Variants in KIF1B observed in about 807,000 individuals in gnomAD.
KIF1B encodes kinesin family member 1B, also known as kinesin-like protein KIF1B.
In KIF1B, 76 loss-of-function variants were observed where a neutral mutation model predicts 241.9. The ratio of observed to expected loss-of-function variants is 0.31; its 90% CI spans 0.26 to 0.38. The LOEUF (loss-of-function observed/expected upper bound fraction) is 0.38. Ranked by LOEUF, KIF1B falls within the 10% of genes least tolerant of loss-of-function variation. The pLI is 1.00. For missense variants in KIF1B, 1,622 were observed against 2,271.4 expected (o/e 0.71, Z 5.81); for synonymous variants, 750 against 796.7 (o/e 0.94, Z 0.99).
intron 2 of KIF1B, among the ~76,000 whole-genome samples, chr1:10,244,897 C>T (rs1186860041): frequency 1.3e-5 from 2 of 152,198 alleles, no homozygotes; most frequent in Non-Finnish European, 2.9e-5. Context: ...CAGGCATGAG[C>T]CACCGCGCCC....
At chr1:10,265,203 T>C (rs1264293146) in intron 5 of KIF1B, among the ~76,000 whole-genome samples, 1 of 30,376 alleles carries the variant, frequency 3.3e-5, no homozygotes, top group African/African-American at 1.6e-4. Context: ...AAATGGATTT[T>C]ATTTATTTAT....
chr1:10,277,333 T>C (rs537624986), intron 12 of KIF1B, among the ~76,000 whole-genome samples: 1 of 152,108 alleles, frequency 6.6e-6, no homozygotes, highest in East Asian at 1.9e-4. Flanking sequence ...ATAAAAAGTT[T>C]TTTTTGTTTG....
At chr1:10,259,539 G>C (rs889461015) in intron 4 of KIF1B, among the ~76,000 whole-genome samples, 2 of 145,260 alleles carry the variant, frequency 1.4e-5, no homozygotes, top group East Asian at 2.0e-4. Flanking sequence ...GTCTCTCTCT[G>C]TTGCCCAGGC....
chr1:10,229,142 C>T (rs1196041471), intron 1 of KIF1B, among the ~76,000 whole-genome samples: 3 of 152,028 alleles, frequency 2.0e-5, no homozygotes, highest in Admixed American at 2.0e-4. Flanking sequence ...AGTCATGCTC[C>T]ATTGATTGGG....
chr1:10,258,433 A>G (rs1647924456), intron 3 of KIF1B, 60 bp from the exon 4 acceptor site: 1 of 1,537,234 alleles, frequency 6.5e-7, no homozygotes, highest in South Asian at 1.1e-5. Context: ...GAAGCAATCA[A>G]GTAAGTATAG....
chr1:10,216,448 T>C (rs1646767934), intron 1 of KIF1B, among the ~76,000 whole-genome samples: 4 of 152,182 alleles, frequency 2.6e-5, no homozygotes, highest in Admixed American at 2.6e-4. Flanking sequence ...CTGGGTTGCA[T>C]TGCTTGCAGT....
intron 1 of KIF1B, among the ~76,000 whole-genome samples, chr1:10,216,032 G>A (rs1646763318): frequency 1.3e-5 from 2 of 152,090 alleles, no homozygotes; most frequent in Admixed American, 1.3e-4. Context: ...AGCACTTTAC[G>A]TTTATTAACT....
chr1:10,310,536 A>G (rs1383731931), intron 22 of KIF1B, among the ~76,000 whole-genome samples: 1 of 151,736 alleles, frequency 6.6e-6, no homozygotes, highest in Non-Finnish European at 1.5e-5. Flanking sequence ...GTTCCAGTCA[A>G]ACTGTGTTTA....
chr1:10,274,024 C>A (rs930364456), intron 10 of KIF1B, among the ~76,000 whole-genome samples: 2 of 150,486 alleles, frequency 1.3e-5, no homozygotes, highest in African/African-American at 4.9e-5. Context: ...GCAACCTCCA[C>A]CTTCTGGGTT....
intron 22 of KIF1B, among the ~76,000 whole-genome samples, chr1:10,299,471 A>G (rs1650433927): frequency 6.6e-6 from 1 of 152,254 alleles, no homozygotes; most frequent in African/African-American, 2.4e-5. Context: ...TACCAGTAGT[A>G]ATACTGAATG....
At chr1:10,336,847 C>T in intron 29 of KIF1B, 105 bp downstream of exon 29, 1 of 1,178,498 alleles carries the variant, frequency 8.5e-7, no homozygotes, top group Non-Finnish European at 1.3e-6. Flanking sequence ...GTGCTGGTTG[C>T]CACAGAGTAG....
At chr1:10,228,043 G>C (rs1396111499) in intron 1 of KIF1B, among the ~76,000 whole-genome samples, 1 of 151,510 alleles carries the variant, frequency 6.6e-6, no homozygotes, top group Non-Finnish European at 1.5e-5. Context: ...AAATTACCCG[G>C]GCGTGCTGGT....
chr1:10,350,389 C>T (rs895730515), intron 37 of KIF1B, among the ~76,000 whole-genome samples: 1 of 151,638 alleles, frequency 6.6e-6, no homozygotes, highest in African/African-American at 2.4e-5. Context: ...GAAACCCCGT[C>T]TCTACTAAAA....
In KIF1B at chr1:10,296,690, C is replaced by T. The variant is rs550405814; in HGVS notation, c.1861+25C>T. The T allele has an allele frequency of 7.5e-6, 12 of 1,598,914 alleles. No homozygotes were observed. The South Asian group carries it at 1.3e-4, about 18-fold the overall frequency. Reference sequence around the variant, plus strand: ...GGTGAGACTGGGAGAGGTTTGCCATCTTCAGCAATGTGCACATGGCTTCTG... The same window carrying T: ...GGTGAGACTGGGAGAGGTTTGCCATTTTCAGCAATGTGCACATGGCTTCTG... On this transcript the variant is annotated intron_variant, in intron 20 of 48. Coordinates refer to ENST00000676179, the MANE Select transcript of KIF1B (RefSeq NM_001365951.3).
intron 15 of KIF1B, among the ~76,000 whole-genome samples, chr1:10,286,369 G>T (rs57737711): frequency 6.6e-6 from 1 of 152,180 alleles, no homozygotes; most frequent in Non-Finnish European, 1.5e-5. Context: ...TAAACATGCA[G>T]CTGTAGCCAC....
intron 38 of KIF1B, among the ~76,000 whole-genome samples, chr1:10,354,658 A>G (rs1348162499): frequency 6.6e-6 from 1 of 152,216 alleles, no homozygotes; most frequent in African/African-American, 2.4e-5. Flanking sequence ...GATAATAATA[A>G]TAAGTACAAC....
chr1:10,302,635 G>C (rs994177847), intron 22 of KIF1B, among the ~76,000 whole-genome samples: 3 of 152,142 alleles, frequency 2.0e-5, no homozygotes, highest in Non-Finnish European at 4.4e-5. Flanking sequence ...TAATCCGCCT[G>C]CTCGTCACAT....
rs1475328701 is a variant in KIF1B, at chr1:10,337,305, A to G, written c.3260-66A>G. ...TGGCCTTCATCAACTAGGAATGGAA[A>G]GCATGCCCAACTCCCTCCTCTTTGC... On this transcript the variant is annotated intron_variant, in intron 30 of 48. Transcript: ENST00000676179. The surrounding 1 kb of genome is among the most constrained non-coding windows in gnomAD (Gnocchi z 4.0). 10 of 1,612,784 alleles carry G rather than the reference A, an allele frequency of 6.2e-6. No individual in the cohort carries two copies. The highest frequency in any genetic ancestry group is 1.3e-5 in the African/African-American group (1 of 74,920).
At chr1:10,330,498 T>G (rs1464848000) in intron 27 of KIF1B, among the ~76,000 whole-genome samples, 1 of 149,314 alleles carries the variant, frequency 6.7e-6, no homozygotes, top group Non-Finnish European at 1.5e-5. Context: ...AAAAGGTGGC[T>G]CCTGTTTTTG....
Sources: gnomAD v4.1 joint callset for allele counts (sites outside exome capture counted in the v4.1 genomes callset) on GRCh38, gnomAD v4.1.1 for gene constraint, Gnocchi (gnomAD v3.1) non-coding constraint, MANE v1.5 for transcripts, NCBI Gene and HGNC (gene_info 2026-07-23, HGNC 2026-07-21) for gene names.